AP3B1: variants seen among roughly 807,000 people sequenced by gnomAD.
AP3B1 encodes the protein adaptor related protein complex 3 subunit beta 1, also known as AP-3 complex subunit beta-1.
Under a neutral mutation model 132.5 loss-of-function variants are expected in AP3B1, and 61 were observed. That is an observed-to-expected ratio of 0.46 (90% CI 0.37 to 0.57). The LOEUF (loss-of-function observed/expected upper bound fraction) is 0.57, where lower values mean the gene tolerates loss of function less well. AP3B1 is among the 20% of genes least tolerant of loss of function. AP3B1 has a pLI of 0.00. For synonymous variants in AP3B1, 388 were observed against 438.3 expected (o/e 0.89, Z 1.43); for missense variants, 1,120 against 1,289.4 (o/e 0.87, Z 2.01).
intron 11 of AP3B1, among the ~76,000 whole-genome samples, chr5:78,174,559 A>C (rs747884479): frequency 1.3e-5 from 2 of 149,970 alleles, no homozygotes; most frequent in Non-Finnish European, 2.9e-5. Context: ...AATACTGTAG[A>C]ACAGCAAATA....
chr5:78,198,832 A>T (rs1329050247), intron 7 of AP3B1, among the ~76,000 whole-genome samples: 5 of 152,236 alleles, frequency 3.3e-5, no homozygotes, highest in Admixed American at 6.5e-5. Context: ...AAGAGAATAC[A>T]TTATTAGAGA....
At chr5:78,097,677 GCCAGCCGCCTCGT>G (rs1403576659) in intron 21 of AP3B1, among the ~76,000 whole-genome samples, 3 of 151,196 alleles carry the variant, frequency 2.0e-5, no homozygotes, top group Non-Finnish European at 1.5e-5. Flanking sequence ...CCCCCGCCCG[GCCAGCCGCCTCGT>G]CCAGGAGGTG....
rs116794507 is a variant in AP3B1 at position 78,203,679 on chromosome 5, C to T, written c.786+12376G>A. On this transcript the variant is annotated intron_variant, in intron 7 of 26. Transcript: ENST00000255194. ...TTTTTCTTCAGCCATTCTATTTGCC[C>T]CTTTCTCTCTCTCCTTTCCTCCTGG... 2.3e-3 allele frequency among the ~76,000 whole-genome samples: 347 copies of T among 152,040 alleles called. 2 individuals carry two copies. The highest frequency in any genetic ancestry group is 8.2e-3 in the African/African-American group (341 of 41,504).
intron 19 of AP3B1, among the ~76,000 whole-genome samples, chr5:78,111,421 G>A (rs1751586531): frequency 6.6e-6 from 1 of 152,132 alleles, no homozygotes; most frequent in South Asian, 2.1e-4. Flanking sequence ...TACCCTACAG[G>A]GTCTACGGTC....
chr5:78,253,868 G>A (rs1359422873), intron 2 of AP3B1, among the ~76,000 whole-genome samples: 12 of 151,152 alleles, frequency 7.9e-5, no homozygotes. Flanking sequence ...TTGGGAGGGT[G>A]AGGCAGGAGA....
At chr5:78,191,661 C>A (rs1744840383) in intron 7 of AP3B1, among the ~76,000 whole-genome samples, 1 of 152,020 alleles carries the variant, frequency 6.6e-6, no homozygotes, top group Non-Finnish European at 1.5e-5. Flanking sequence ...GAACAAAATC[C>A]ATCATCCAAA....
At chr5:78,254,620 A>G (rs1747779762) in intron 2 of AP3B1, among the ~76,000 whole-genome samples, 1 of 152,248 alleles carries the variant, frequency 6.6e-6, no homozygotes, top group Non-Finnish European at 1.5e-5. Flanking sequence ...TCCTTCAAAC[A>G]TGAAGAAATA....
chr5:78,143,992 G>A (rs920783473), intron 14 of AP3B1, among the ~76,000 whole-genome samples: 2 of 151,774 alleles, frequency 1.3e-5, no homozygotes, highest in African/African-American at 4.8e-5. Flanking sequence ...GTGACAGAGC[G>A]AGACTCTGTC....
intron 7 of AP3B1, among the ~76,000 whole-genome samples, chr5:78,207,048 A>G (rs1457562819): frequency 2.6e-5 from 4 of 152,060 alleles, no homozygotes; most frequent in Admixed American, 1.3e-4. Context: ...ACATGAAGTC[A>G]GGAGTTCGAA....
At chr5:78,171,980 G>A (rs996128572) in intron 11 of AP3B1, among the ~76,000 whole-genome samples, 51 of 152,254 alleles carry the variant, frequency 3.3e-4, no homozygotes, top group African/African-American at 1.2e-3. Flanking sequence ...GGCCTTTTCT[G>A]CATCTATTGA....
intron 15 of AP3B1, among the ~76,000 whole-genome samples, chr5:78,139,035 C>CA (rs1753035534): frequency 1.4e-5 from 1 of 72,182 alleles, no homozygotes; most frequent in South Asian, 4.5e-4. Flanking sequence ...TAATAGAGAT[C>CA]AAGAAAAAAA....
At chr5:78,251,149 A>C (rs571438467) in intron 2 of AP3B1, among the ~76,000 whole-genome samples, 3 of 152,334 alleles carry the variant, frequency 2.0e-5, no homozygotes, top group African/African-American at 7.2e-5. Flanking sequence ...TAAAGAAAAA[A>C]CACAGACCGT....
rs1171246273 is a variant in AP3B1, at chr5:78,276,370, A to C, written c.129-8775T>G. Reference sequence around the variant, plus strand: ...AGTGTGAGCCACCATGCCAGCCTGCAACATACTTTGTGATTTGACAAAGTG... The same window carrying C: ...AGTGTGAGCCACCATGCCAGCCTGCCACATACTTTGTGATTTGACAAAGTG... On this transcript the variant is annotated intron_variant, in intron 1 of 26. Coordinates refer to ENST00000255194, the MANE Select transcript of AP3B1 (RefSeq NM_003664.5). 3.3e-5 allele frequency among the ~76,000 whole-genome samples: 5 copies of C among 152,332 alleles called. No homozygotes were observed. In the East Asian group the frequency reaches 7.7e-4, roughly 23 times the overall value.
At chr5:78,225,070 C>T (rs923708360) in intron 6 of AP3B1, among the ~76,000 whole-genome samples, 1 of 152,056 alleles carries the variant, frequency 6.6e-6, no homozygotes, top group South Asian at 2.1e-4. Flanking sequence ...GTTACAGCTA[C>T]ACAGGGCTAC....
chr5:78,017,155 A>G (rs1479286055), intron 25 of AP3B1, among the ~76,000 whole-genome samples: 2 of 152,092 alleles, frequency 1.3e-5, no homozygotes, highest in Non-Finnish European at 2.9e-5. Context: ...AACTTGTTCT[A>G]TAAAAGACAA....
At position 78,240,836 on chromosome 5, in the gene AP3B1, AT is replaced by A. The variant is rs1319061108; in HGVS notation, c.279+25del. 3 of 1,525,176 alleles carry A rather than the reference AT, an allele frequency of 2.0e-6. No homozygotes were observed. The African/African-American group carries it at 4.1e-5, about 21-fold the overall frequency. The allele number at this position is 1,525,176 out of a possible 1,614,324, so 94.5% of individuals were successfully genotyped here. A position where few individuals can be genotyped will look rare whatever the true frequency, so the allele number is the denominator to read the frequency against. ...CGGTCCCATGAAAACAAAAGGAATCATAAAAATTATAGATCAAAACAGTACC... is the reference window on the plus strand; with the variant it reads ...CGGTCCCATGAAAACAAAAGGAATCAAAAAATTATAGATCAAAACAGTACC... On this transcript the variant is annotated intron_variant, in intron 3 of 26. Coordinates refer to ENST00000255194, the MANE Select transcript of AP3B1 (RefSeq NM_003664.5).
chr5:78,216,221 A>G lies in AP3B1; in HGVS notation c.620T>C (p.Val207Ala). ...GCATACTTCTTCAAAAGCCATCACAACACTGCCAGCTACCAACTAGAAAAG... is the reference window on the plus strand; with the variant it reads ...GCATACTTCTTCAAAAGCCATCACAGCACTGCCAGCTACCAACTAGAAAAG... ...KDKSTLVAGS[V>A]VMAFEEVCPD... The change falls in exon 7 of 27, where the codon GTT (valine) becomes GCT (alanine). Residue 207 changes from valine (V) to alanine (A), a missense_variant. Physicochemically the swap from Val to Ala is moderately conservative, Grantham distance 64. Around this residue, in one of 3 missense-constraint regions of AP3B1, gnomAD observed 129 missense variants for 212.4 expected, o/e 0.61. Transcript: ENST00000255194. 6.2e-7 allele frequency: 1 copy of G among 1,613,990 alleles called. No homozygotes were observed. The highest frequency in any genetic ancestry group is 8.5e-7 in the Non-Finnish European group (1 of 1,179,914).
intron 24 of AP3B1, among the ~76,000 whole-genome samples, chr5:78,026,478 G>T (rs1747346800): frequency 6.6e-6 from 1 of 152,110 alleles, no homozygotes; most frequent in Non-Finnish European, 1.5e-5. Flanking sequence ...TACCTTGCAG[G>T]CTAGTTTTAA....
At chr5:78,160,994 C>T (rs955165955) in intron 13 of AP3B1, among the ~76,000 whole-genome samples, 1 of 150,406 alleles carries the variant, frequency 6.6e-6, no homozygotes, top group African/African-American at 2.4e-5. Context: ...AATATTCACA[C>T]TGCAGGAAAA....
Sources: allele counts gnomAD v4.1 joint callset (sites outside exome capture counted in the v4.1 genomes callset), GRCh38; gene constraint gnomAD v4.1.1; regional missense constraint gnomAD v4.1.1; transcripts MANE v1.5; gene names NCBI Gene and HGNC (gene_info 2026-07-23, HGNC 2026-07-21).